The following TNR variants were observed in gnomAD, a reference collection of about 807,000 sequenced individuals.
TNR encodes the protein tenascin-R.
Under a neutral mutation model 150.4 loss-of-function variants are expected in TNR, and 45 were observed. The observed-to-expected ratio is 0.30, with a 90% CI of 0.24 to 0.38. TNR has a LOEUF of 0.38. TNR is among the 10% of genes least tolerant of loss of function. The probability of loss-of-function intolerance (pLI) is 1.00; values close to 1 mark genes in which losing one functional copy is unlikely to be tolerated. For synonymous variants in TNR, 687 were observed against 678.4 expected, an observed-to-expected ratio of 1.01 and a Z score of -0.20; for missense variants, 1,544 against 1,759.1, an observed-to-expected ratio of 0.88 and a Z score of 2.19.
chr1:175,547,637 GAGAA>G (rs1376138918), intron 1 of TNR, among the ~76,000 whole-genome samples: 3 of 131,368 alleles, frequency 2.3e-5, no homozygotes, highest in African/African-American at 9.6e-5. Flanking sequence ...AAGAAAGAAA[GAGAA>G]AGAAAGAAAG....
chr1:175,451,496 C>T (rs1656318506), intron 2 of TNR, among the ~76,000 whole-genome samples: 1 of 151,984 alleles, frequency 6.6e-6, no homozygotes, highest in Admixed American at 6.5e-5. Flanking sequence ...TCCAGGCCTC[C>T]AGTCTGGTGC....
intron 1 of TNR, among the ~76,000 whole-genome samples, chr1:175,736,350 T>C (rs1016155089): frequency 6.6e-6 from 1 of 151,994 alleles, no homozygotes; most frequent in Admixed American, 6.5e-5. Context: ...TGAAACCTCA[T>C]CTCTACTAAA....
chr1:175,539,780 C>G (rs1660431547), intron 1 of TNR, among the ~76,000 whole-genome samples: 1 of 152,222 alleles, frequency 6.6e-6, no homozygotes, highest in South Asian at 2.1e-4. Context: ...ACTCCTACAA[C>G]TACCATTAGG....
chr1:175,391,449 G>A lies in TNR; in HGVS notation c.1357-11C>T, dbSNP rs1357694844. On this transcript the variant is annotated splice_polypyrimidine_tract_variant and intron_variant, in intron 6 of 22. Transcript: ENST00000367674. Reference sequence around the variant, plus strand: ...TCCCCCTTCATTGTTCTGGACAGTGGGGAGAAGCAGAGAGCAAAAGAGAAA... The same window carrying A: ...TCCCCCTTCATTGTTCTGGACAGTGAGGAGAAGCAGAGAGCAAAAGAGAAA... 1 of 1,611,996 alleles carries A rather than the reference G, an allele frequency of 6.2e-7. No homozygotes were observed. The highest frequency in any genetic ancestry group is 8.5e-7 in the Non-Finnish European group (1 of 1,179,220).
intron 21 of TNR, among the ~76,000 whole-genome samples, chr1:175,327,136 C>T (rs555271779): frequency 6.6e-6 from 1 of 152,190 alleles, no homozygotes; most frequent in East Asian, 1.9e-4. Flanking sequence ...CCTGCGTCTC[C>T]CTCTGTCATC....
Position 175,618,711 on chromosome 1 carries a change from C to A in TNR, c.-164-90342G>T, listed in dbSNP as rs1663861123. On this transcript the variant is annotated intron_variant, in intron 1 of 22. Transcript: ENST00000367674. ...GAGTGGAATCCCCCAACCTGGTTGG[C>A]CTGAATACGCCAGCTTTATAATCTA... is the stretch of plus-strand genomic sequence containing the variant. Among the ~76,000 whole-genome samples, 3 of 152,274 alleles carry A rather than the reference C, an allele frequency of 2.0e-5. No homozygotes were observed. In the South Asian group the frequency reaches 6.2e-4, roughly 32 times the overall value.
intron 2 of TNR, among the ~76,000 whole-genome samples, chr1:175,454,812 C>A (rs1012883389): frequency 1.3e-5 from 2 of 152,162 alleles, no homozygotes; most frequent in Non-Finnish European, 2.9e-5. Context: ...AAACAAGTAT[C>A]TTACACTCTC....
At chr1:175,703,978 G>C (rs1282255333) in intron 1 of TNR, among the ~76,000 whole-genome samples, 2 of 152,230 alleles carry the variant, frequency 1.3e-5, no homozygotes, top group Admixed American at 1.3e-4. Context: ...AGTCAAAGAG[G>C]ACTTTATTTC....
intron 1 of TNR, among the ~76,000 whole-genome samples, chr1:175,714,254 C>T (rs969213383): frequency 2.0e-5 from 3 of 152,140 alleles, no homozygotes; most frequent in Non-Finnish European, 4.4e-5. Flanking sequence ...TTTCTGCCTT[C>T]CCATATCTGG....
chr1:175,546,392 G>A (rs1480140112), intron 1 of TNR, among the ~76,000 whole-genome samples: 1 of 152,220 alleles, frequency 6.6e-6, no homozygotes, highest in Non-Finnish European at 1.5e-5. Flanking sequence ...ATCTGCTGGT[G>A]TAGCGGCCAT....
chr1:175,572,168 C>T (rs1661900549), intron 1 of TNR, among the ~76,000 whole-genome samples: 1 of 152,144 alleles, frequency 6.6e-6, no homozygotes, highest in Admixed American at 6.5e-5. Flanking sequence ...TGAGCTCACA[C>T]CGAGGTCAGC....
chr1:175,683,485 G>A (rs186706254), intron 1 of TNR, among the ~76,000 whole-genome samples: 115 of 152,266 alleles, frequency 7.6e-4, no homozygotes, highest in African/African-American at 2.4e-3. Context: ...CTCTGAAAAC[G>A]TCTAAACTGA....
chr1:175,503,535 A>G (rs1658825995), intron 2 of TNR, among the ~76,000 whole-genome samples: 1 of 152,164 alleles, frequency 6.6e-6, no homozygotes, highest in South Asian at 2.1e-4. Context: ...GTCACCGGGA[A>G]ACTGTAAATC....
intron 1 of TNR, among the ~76,000 whole-genome samples, chr1:175,704,352 A>G (rs1293952828): frequency 6.6e-6 from 1 of 152,230 alleles, no homozygotes; most frequent in Non-Finnish European, 1.5e-5. Context: ...ATTTAAGTTG[A>G]GTCTTTAAAG....
At chr1:175,669,579 C>A (rs1408935817) in intron 1 of TNR, among the ~76,000 whole-genome samples, 1 of 152,172 alleles carries the variant, frequency 6.6e-6, no homozygotes, top group African/African-American at 2.4e-5. Flanking sequence ...TGGATCATTT[C>A]CTAGTAGAAG....
At chr1:175,558,083 G>T in intron 1 of TNR, among the ~76,000 whole-genome samples, 1 of 121,358 alleles carries the variant, frequency 8.2e-6, no homozygotes, top group African/African-American at 3.1e-5. Flanking sequence ...GAGATCACAT[G>T]GACACAGGAA....
chr1:175,502,491 G>T (rs1048313690), intron 2 of TNR, among the ~76,000 whole-genome samples: 2 of 152,080 alleles, frequency 1.3e-5, no homozygotes, highest in Non-Finnish European at 2.9e-5. Context: ...CAATTCTGAT[G>T]GGTCATCCTA....
intron 1 of TNR, among the ~76,000 whole-genome samples, chr1:175,656,025 C>T (rs185248826): frequency 1.3e-5 from 2 of 152,066 alleles, no homozygotes; most frequent in Non-Finnish European, 2.9e-5. Context: ...GCTATGTGCC[C>T]CATGCAGAGG....
chr1:175,675,445 G>C (rs1665829781), intron 1 of TNR, among the ~76,000 whole-genome samples: 1 of 152,208 alleles, frequency 6.6e-6, no homozygotes, highest in Non-Finnish European at 1.5e-5. Context: ...CCACACAGGT[G>C]CATGCACACA....
Sources: gnomAD v4.1 joint callset for allele counts (sites outside exome capture counted in the v4.1 genomes callset) on GRCh38, gnomAD v4.1.1 for gene constraint, MANE v1.5 for transcripts, NCBI Gene and HGNC (gene_info 2026-07-23, HGNC 2026-07-21) for gene names.